LURAP1L: variants seen among roughly 807,000 people sequenced by gnomAD.
LURAP1L encodes leucine rich adaptor protein 1-like.
A neutral mutation model predicts 13.8 loss-of-function variants in LURAP1L; 12 were observed. The ratio of observed to expected loss-of-function variants is 0.87; its 90% confidence interval spans 0.56 to 1.41. The LOEUF is 1.41. Among genes scored for constraint, LURAP1L ranks in the 40% most tolerant of loss-of-function variants. The pLI is 0.00. For synonymous variants in LURAP1L, 139 were observed against 119.2 expected, an observed-to-expected ratio of 1.17 and a Z score of -1.08; for missense variants, 375 against 292.9, an observed-to-expected ratio of 1.28 and a Z score of -2.04.
intron 1 of LURAP1L, among the ~76,000 whole-genome samples, chr9:12,804,659 T>C (rs559501835): frequency 1.8e-4 from 28 of 152,148 alleles, no homozygotes; most frequent in Non-Finnish European, 3.2e-4. Context: ...TATTTGATTC[T>C]ATCAAAAAAA....
intron 1 of LURAP1L, among the ~76,000 whole-genome samples, chr9:12,807,669 C>T (rs1819678040): frequency 6.6e-6 from 1 of 152,156 alleles, no homozygotes; most frequent in Non-Finnish European, 1.5e-5. Flanking sequence ...AGACTATTCA[C>T]ATTTAAAGTG....
chr9:12,821,722 C>T lies in LURAP1L; in HGVS notation c.649C>T (p.Arg217Cys), dbSNP rs139119328. Residue 217 changes from arginine to cysteine, a missense_variant, in exon 2 of 2, where the codon CGT (arginine) becomes TGT (cysteine). By Grantham distance (180) the Arg-to-Cys change is radical. Transcript: ENST00000319264. ...AGAGGACTCACAGGCACTACACAAG[C>T]GTCCTAAATTGGATTCTGAATACTA... ...LIEDSQALHK[R>C]PKLDSEYYCF... is the part of the protein sequence containing the mutation. 3 of 1,614,060 alleles carry T rather than the reference C, an allele frequency of 1.9e-6. No individual in the cohort carries two copies. The highest frequency in any genetic ancestry group is 2.2e-5 in the East Asian group (1 of 44,882).
At chr9:12,809,362 A>G (rs955801342) in intron 1 of LURAP1L, among the ~76,000 whole-genome samples, 1 of 151,714 alleles carries the variant, frequency 6.6e-6, no homozygotes, top group Non-Finnish European at 1.5e-5. Flanking sequence ...GTTTCTGTGG[A>G]CTCATCTTTA....
chr9:12,794,721 GA>G (rs760876698), intron 1 of LURAP1L, among the ~76,000 whole-genome samples: 3 of 151,784 alleles, frequency 2.0e-5, no homozygotes, highest in Non-Finnish European at 4.4e-5. Flanking sequence ...GAGACAGATG[GA>G]AACTCTCAGC....
At chr9:12,800,818 C>A (rs141637693) in intron 1 of LURAP1L, among the ~76,000 whole-genome samples, 125 of 152,200 alleles carry the variant, frequency 8.2e-4, no homozygotes, top group African/African-American at 2.8e-3. Flanking sequence ...GAACAAAACT[C>A]TTTTAAATAA....
chr9:12,821,718 C>A lies in LURAP1L; in HGVS notation c.645C>A (p.His215Gln), dbSNP rs781770038. The change falls in exon 2 of 2, where the codon CAC becomes CAA. Residue 215 changes from histidine (H) to glutamine (Q), a missense_variant. Coordinates refer to ENST00000319264, the MANE Select transcript of LURAP1L (RefSeq NM_203403.2). ...TCATAGAGGACTCACAGGCACTACA[C>A]AAGCGTCCTAAATTGGATTCTGAAT... The part of the protein sequence containing the change: ...SSLIEDSQAL[H>Q]KRPKLDSEYY... The A allele has an allele frequency of 1.2e-6, 2 of 1,614,150 alleles. No homozygotes were observed. The highest frequency in any genetic ancestry group is 1.7e-6 in the Non-Finnish European group (2 of 1,180,004).
At chr9:12,816,233 G>GA (rs1819803444) in intron 1 of LURAP1L, among the ~76,000 whole-genome samples, 1 of 152,190 alleles carries the variant, frequency 6.6e-6, no homozygotes. Flanking sequence ...ATCTCAGTAT[G>GA]AAAAGCAGAT....
intron 1 of LURAP1L, among the ~76,000 whole-genome samples, chr9:12,789,726 A>T (rs775917976): frequency 6.6e-6 from 1 of 152,184 alleles, no homozygotes; most frequent in Non-Finnish European, 1.5e-5. Context: ...CATAGGGCAT[A>T]TGGGAGCCTG....
intron 1 of LURAP1L, among the ~76,000 whole-genome samples, chr9:12,815,131 T>C (rs1819786966): frequency 6.6e-6 from 1 of 152,188 alleles, no homozygotes; most frequent in Non-Finnish European, 1.5e-5. Flanking sequence ...AGGAGTGATT[T>C]ATAAGTATAG....
At chr9:12,802,406 T>C (rs1450859890) in intron 1 of LURAP1L, among the ~76,000 whole-genome samples, 1 of 152,150 alleles carries the variant, frequency 6.6e-6, no homozygotes, top group East Asian at 1.9e-4. Flanking sequence ...TGAGTTCTCC[T>C]GAGATCTGGT....
intron 1 of LURAP1L, among the ~76,000 whole-genome samples, chr9:12,784,249 C>T (rs1304143171): frequency 6.6e-6 from 1 of 152,016 alleles, no homozygotes; most frequent in Non-Finnish European, 1.5e-5. Context: ...GATCTTGATG[C>T]TTTTGAGTGT....
intron 1 of LURAP1L, among the ~76,000 whole-genome samples, chr9:12,787,341 T>A (rs914321552): frequency 1.3e-5 from 2 of 152,182 alleles, no homozygotes; most frequent in South Asian, 4.1e-4. Flanking sequence ...TATATATATA[T>A]GTATATGTAT....
intron 1 of LURAP1L, among the ~76,000 whole-genome samples, chr9:12,813,851 T>A (rs1819770248): frequency 2.0e-5 from 3 of 152,204 alleles, no homozygotes; most frequent in Admixed American, 2.0e-4. Flanking sequence ...ACAATAACAA[T>A]TATTGAGGAA....
chr9:12,778,957 C>G (rs1322917483), intron 1 of LURAP1L, among the ~76,000 whole-genome samples: 1 of 152,152 alleles, frequency 6.6e-6, no homozygotes, highest in African/African-American at 2.4e-5. Context: ...CTGTTTAGTC[C>G]TATGCGTACG....
At chr9:12,792,677 A>T (rs1299810715) in intron 1 of LURAP1L, among the ~76,000 whole-genome samples, 4 of 152,094 alleles carry the variant, frequency 2.6e-5, no homozygotes, top group Non-Finnish European at 5.9e-5. Flanking sequence ...TTTAAAATTC[A>T]TACAAACTCT....
At chr9:12,799,646 C>A (rs779001293) in intron 1 of LURAP1L, among the ~76,000 whole-genome samples, 1 of 151,934 alleles carries the variant, frequency 6.6e-6, no homozygotes, top group African/African-American at 2.4e-5. Flanking sequence ...TTTGGGAGGC[C>A]GAGGTGGATG....
chr9:12,778,059 T>C (rs558414484), intron 1 of LURAP1L, among the ~76,000 whole-genome samples: 1 of 152,324 alleles, frequency 6.6e-6, no homozygotes, highest in East Asian at 1.9e-4. Flanking sequence ...TGAGAGTCTC[T>C]AAGGTCCCTG....
At chr9:12,793,679 C>G (rs1819475166) in intron 1 of LURAP1L, among the ~76,000 whole-genome samples, 1 of 152,002 alleles carries the variant, frequency 6.6e-6, no homozygotes, top group Non-Finnish European at 1.5e-5. Context: ...ATCTTAATGA[C>G]CATTGTGCAT....
intron 1 of LURAP1L, among the ~76,000 whole-genome samples, chr9:12,783,715 A>G (rs542572171): frequency 4.6e-5 from 7 of 152,074 alleles, no homozygotes; most frequent in African/African-American, 1.4e-4. Context: ...ATACTGGCCT[A>G]ATAGACTGAG....
Sources: allele counts gnomAD v4.1 joint callset (sites outside exome capture counted in the v4.1 genomes callset), GRCh38; gene constraint gnomAD v4.1.1; transcripts MANE v1.5; gene names NCBI Gene and HGNC (gene_info 2026-07-23, HGNC 2026-07-21).